SLFN14: variants seen among roughly 807,000 people sequenced by gnomAD.
The protein encoded by SLFN14 is protein SLFN14.
In SLFN14, 47 loss-of-function variants were observed where a neutral mutation model predicts 58.6. The observed-to-expected ratio is 0.80, with a 90% CI of 0.64 to 1.02. SLFN14 has a LOEUF of 1.02. Among genes scored for constraint, SLFN14 ranks in the 50% least tolerant of loss-of-function variants. The pLI, the probability that SLFN14 is intolerant of heterozygous loss-of-function variation, is 0.00. For synonymous variants in SLFN14, 390 were observed against 387.3 expected, an observed-to-expected ratio of 1.01 and a Z score of -0.08; for missense variants, 967 against 1,078.4, an observed-to-expected ratio of 0.90 and a Z score of 1.45.
chr17:35,558,125 T>C lies in SLFN14; in HGVS notation c.-44-19A>G, dbSNP rs2072671602. ...GGAGTTCCTATAATCAGGACAGAAA[T>C]ATTGTTTCTATATTAATAAGAATTC... On this transcript the variant is annotated intron_variant, in intron 2 of 5. Transcript: ENST00000674182. The C allele has an allele frequency of 9.9e-6, 13 of 1,318,164 alleles. No homozygotes were observed. The East Asian group carries it at 1.3e-4, about 13-fold the overall frequency. The allele number at this position is 1,318,164 out of a possible 1,614,324, so 81.7% of individuals were successfully genotyped here.
At chr17:35,551,683 G>A (rs1328307653) in intron 5 of SLFN14, among the ~76,000 whole-genome samples, 1 of 152,226 alleles carries the variant, frequency 6.6e-6, no homozygotes, top group Admixed American at 6.5e-5. Flanking sequence ...CCTAGCAGCA[G>A]TAGTCGTTCA....
chr17:35,559,736 G>A lies in SLFN14; in HGVS notation c.-54C>T, dbSNP rs1045423592. ...CATTGTATATACTCACCAAGAGGAAGAAAGCAGGCATCCGGCAAGACATGT... is the reference window on the plus strand; with the variant it reads ...CATTGTATATACTCACCAAGAGGAAAAAAGCAGGCATCCGGCAAGACATGT... On this transcript the variant is annotated 5_prime_UTR_variant, in exon 2 of 6. Transcript: ENST00000674182. 3.9e-5 allele frequency among the ~76,000 whole-genome samples: 6 copies of A among 152,160 alleles called. No individual in the cohort carries two copies. Among genetic ancestry groups the A allele is most frequent in the African/African-American group, 9.7e-5 (4 of 41,428 alleles).
intron 3 of SLFN14, among the ~76,000 whole-genome samples, chr17:35,555,656 CA>C (rs2072645970): frequency 6.6e-6 from 1 of 151,960 alleles, no homozygotes; most frequent in African/African-American, 2.4e-5. Flanking sequence ...GAAGTGAACT[CA>C]AACAAATTAA....
intron 3 of SLFN14, among the ~76,000 whole-genome samples, chr17:35,556,717 G>A (rs934927492): frequency 2.0e-5 from 3 of 152,210 alleles, no homozygotes; most frequent in South Asian, 2.1e-4. Flanking sequence ...CCTGGGAGGT[G>A]GAGTTTGCAG....
At chr17:35,560,591 G>T (rs2072690136) in intron 1 of SLFN14, among the ~76,000 whole-genome samples, 176 bp downstream of exon 1, 1 of 152,140 alleles carries the variant, frequency 6.6e-6, no homozygotes. Context: ...GCCTCCCAAA[G>T]TGCTGGGATT....
In SLFN14 at chr17:35,545,373, T is replaced by G. The variant is rs1178557045; in HGVS notation, c.*2866A>C. 6.6e-6 allele frequency among the ~76,000 whole-genome samples: 1 copy of G among 152,218 alleles called. No homozygotes were observed. On this transcript the variant is annotated 3_prime_UTR_variant, in exon 6 of 6. Coordinates refer to ENST00000674182, the MANE Select transcript of SLFN14 (RefSeq NM_001129820.2). ...ATAAGGATGTGTAAGTGACTCATCC[T>G]CTTACTCTCAAGGAGCTCACAGTCT...
chr17:35,554,898 A>G, intron 3 of SLFN14, 194 bp from the exon 4 acceptor site: 2 of 363,462 alleles, frequency 5.5e-6, no homozygotes, highest in Non-Finnish European at 9.7e-6. Flanking sequence ...CAGGGGACAT[A>G]TCACACATAT....
chr17:35,552,675 C>A, intron 5 of SLFN14, 55 bp downstream of exon 5: 1 of 961,186 alleles, frequency 1.0e-6, no homozygotes. Context: ...TATATATACA[C>A]ATATATATAT....
Position 35,553,301 on chromosome 17 carries a change from C to T in SLFN14, c.1333G>A (p.Asp445Asn). Residue 445 changes from aspartate to asparagine, a missense_variant, in exon 5 of 6, where the codon GAT (aspartate) becomes AAT (asparagine). Coordinates refer to ENST00000674182, the MANE Select transcript of SLFN14 (RefSeq NM_001129820.2). ...TTCTGTTCTTTCCTGAAGCCAACAT[C>T]ACCAGCCCAGCTTCTAGAAAATATC... Reference protein sequence around the residue: ...IVIFSRSWAGDVGFRKEQNVL... With the variant: ...IVIFSRSWAGNVGFRKEQNVL... 1 of 1,551,674 alleles carries T rather than the reference C, an allele frequency of 6.4e-7. No homozygotes were observed. Among genetic ancestry groups the T allele is most frequent in the Non-Finnish European group, 8.7e-7 (1 of 1,146,986 alleles).
In SLFN14 at chr17:35,557,706, A is replaced by G. The variant is rs781159849; in HGVS notation, c.357T>C (p.Leu119=). ...VKSWSPDVFS[L]PLRICSLRSN... ...AGCGCAAGCTGCAAATCCTTAGTGG[A>G]AGGCTGAAAACATCTGGGCTCCATG... The change falls in exon 3 of 6, where the codon CTT becomes CTC. Residue 119 remains leucine (L), a synonymous_variant. Transcript: ENST00000674182. 19 of 1,551,720 alleles carry G rather than the reference A, an allele frequency of 1.2e-5. No individual in the cohort carries two copies. In the South Asian group the frequency reaches 2.1e-4, roughly 17 times the overall value.
In SLFN14 at chr17:35,553,028, C is replaced by A. The variant is rs901531619; in HGVS notation, c.1606G>T (p.Ala536Ser). The change falls in exon 5 of 6, where the codon GCT (alanine) becomes TCT (serine). Residue 536 changes from alanine to serine, a missense_variant. By Grantham distance (99) the Ala-to-Ser change is moderately conservative. Transcript: ENST00000674182. ...AAGTCTTCCATTTCCTCCTCATCAG[C>A]AAGCCTGTAGGACCTGGGGTAACGC... is the stretch of plus-strand genomic sequence containing the variant. ...PLRYPRSYRLADEEEMEDLLQ... is the reference protein window; with the variant it reads ...PLRYPRSYRLSDEEEMEDLLQ... 2 of 1,551,528 alleles carry A rather than the reference C, an allele frequency of 1.3e-6. No individual in the cohort carries two copies. The highest frequency in any genetic ancestry group is 2.7e-5 in the African/African-American group (2 of 73,024).
At chr17:35,556,125 C>A (rs1279183984) in intron 3 of SLFN14, among the ~76,000 whole-genome samples, 1 of 151,998 alleles carries the variant, frequency 6.6e-6, no homozygotes, top group Non-Finnish European at 1.5e-5. Context: ...ACAACCTCCA[C>A]CTCCCAGGCT....
At position 35,548,832 on chromosome 17, in the gene SLFN14, G is replaced by A. The variant is rs202215190; in HGVS notation, c.2146C>T (p.Leu716Phe). ...FQIHHADVNG[L>F]PPPSAQFPRK... ...GGAAACTGAGCAGATGGAGGGGGAA[G>A]GCCATTGACATCTGCGTGATGGATT... is the stretch of plus-strand genomic sequence containing the variant. The change falls in exon 6 of 6, where the codon CTT becomes TTT. Residue 716 changes from leucine to phenylalanine, a missense_variant. Physicochemically the swap from Leu to Phe is conservative, Grantham distance 22 (BLOSUM62 0). Transcript: ENST00000674182. 60 of 1,551,730 alleles carry A rather than the reference G, an allele frequency of 3.9e-5. No individual in the cohort carries two copies. In the East Asian group the frequency reaches 5.9e-4, roughly 15 times the overall value.
chr17:35,557,750 G>A lies in SLFN14; in HGVS notation c.313C>T (p.Leu105Phe). Residue 105 changes from leucine to phenylalanine, a missense_variant, in exon 3 of 6, where the codon CTC becomes TTC. Transcript: ENST00000674182. ...YLDYMQQGHN[L>F]LIFVKSWSPD... ...CTCCATGACTTCACAAAAATCAGGA[G>A]ATTGTGCCCCTGCTGCATGTAGTCA... 1 of 1,551,728 alleles carries A rather than the reference G, an allele frequency of 6.4e-7. No individual in the cohort carries two copies.
intron 5 of SLFN14, among the ~76,000 whole-genome samples, chr17:35,551,586 G>A (rs2072588184): frequency 1.3e-5 from 2 of 152,138 alleles, no homozygotes; most frequent in Admixed American, 6.5e-5. Flanking sequence ...CCTCTATTCA[G>A]TTCTACTACA....
rs200456765 is a variant in SLFN14 at position 35,560,747 on chromosome 17, AT to A, written c.-124+19del. ...TTAGATAAATGAGATATTTTTAAGA[AT>A]TTTTTTTTTTTTTTTTACCTATGCT... On this transcript the variant is annotated intron_variant, in intron 1 of 5. Coordinates refer to ENST00000674182, the MANE Select transcript of SLFN14 (RefSeq NM_001129820.2). 2.2e-3 allele frequency among the ~76,000 whole-genome samples: 309 copies of A among 142,290 alleles called. No individual in the cohort carries two copies. The highest frequency in any genetic ancestry group is 0.011 in the Middle Eastern group (3 of 278). The allele number at this position is 142,290 out of a possible 152,430, so 93.3% of individuals were successfully genotyped here. A position where few individuals can be genotyped will look rare whatever the true frequency, so the allele number is the denominator to read the frequency against.
chr17:35,558,633 G>A (rs2142213772), intron 2 of SLFN14, among the ~76,000 whole-genome samples: 1 of 152,122 alleles, frequency 6.6e-6, no homozygotes, highest in South Asian at 2.1e-4. Flanking sequence ...GAATAAGTAG[G>A]CATGGATAAA....
rs9989463 is a variant in SLFN14, at chr17:35,547,803, G to T, written c.*436C>A. 2.0e-5 allele frequency among the ~76,000 whole-genome samples: 3 copies of T among 152,154 alleles called. No homozygotes were observed. The highest frequency in any genetic ancestry group is 7.2e-5 in the African/African-American group (3 of 41,434). ...GTGGGCTGGGGTGCATGAGAAACAT[G>T]GGGAGATGGAGATACAATAAAGGAT... On this transcript the variant is annotated 3_prime_UTR_variant, in exon 6 of 6. Transcript: ENST00000674182.
chr17:35,553,492 G>T, intron 4 of SLFN14, 48 bp from the exon 5 acceptor site: 1 of 1,406,422 alleles, frequency 7.1e-7, no homozygotes, highest in Non-Finnish European at 9.5e-7. Flanking sequence ...AAAGCATGTG[G>T]TAAGTATTCC....
Sources: gnomAD v4.1 joint callset for allele counts (sites outside exome capture counted in the v4.1 genomes callset) on GRCh38, gnomAD v4.1.1 for gene constraint, MANE v1.5 for transcripts, NCBI Gene and HGNC (gene_info 2026-07-23, HGNC 2026-07-21) for gene names.